Variants in ACTR10 observed in about 807,000 individuals in gnomAD.
The protein encoded by ACTR10 is actin-related protein 10.
In ACTR10, 43 loss-of-function variants were observed where a neutral mutation model predicts 56.2. The observed-to-expected ratio is 0.77, with a 90% confidence interval of 0.60 to 0.99. The LOEUF is 0.99. Among genes scored for constraint, ACTR10 ranks in the 50% least tolerant of loss-of-function variants. ACTR10 has a pLI of 0.00. For synonymous variants in ACTR10, 170 were observed against 176.3 expected, an observed-to-expected ratio of 0.96 and a Z score of 0.28; for missense variants, 466 against 507.8, an observed-to-expected ratio of 0.92 and a Z score of 0.79.
chr14:58,216,867 T>C (rs534727161), intron 7 of ACTR10, among the ~76,000 whole-genome samples: 18 of 152,372 alleles, frequency 1.2e-4, no homozygotes, highest in African/African-American at 4.3e-4. Flanking sequence ...TTAACTCACT[T>C]GTTTCCCCCA....
chr14:58,233,919 C>A (rs1175479377), intron 12 of ACTR10, among the ~76,000 whole-genome samples: 2 of 152,006 alleles, frequency 1.3e-5, no homozygotes, highest in Non-Finnish European at 2.9e-5. Flanking sequence ...TAAAAGACTG[C>A]CTTGTGGGTC....
At chr14:58,214,497 A>G (rs2140050890) in intron 6 of ACTR10, among the ~76,000 whole-genome samples, 1 of 150,764 alleles carries the variant, frequency 6.6e-6, no homozygotes, top group South Asian at 2.1e-4. Context: ...TATTATTATT[A>G]TTATTATTAT....
At chr14:58,220,924 C>T (rs1889249828) in intron 8 of ACTR10, among the ~76,000 whole-genome samples, 1 of 152,034 alleles carries the variant, frequency 6.6e-6, no homozygotes, top group Non-Finnish European at 1.5e-5. Context: ...GGAAGAAGGT[C>T]CATAATGTTA....
At chr14:58,207,404 C>A (rs1044042455) in intron 2 of ACTR10, among the ~76,000 whole-genome samples, 1 of 151,838 alleles carries the variant, frequency 6.6e-6, no homozygotes, top group African/African-American at 2.4e-5. Context: ...CAGCTCACTG[C>A]AGCCTCCTCC....
intron 1 of ACTR10, among the ~76,000 whole-genome samples, chr14:58,200,681 C>T (rs1419965807): frequency 6.6e-6 from 1 of 152,194 alleles, no homozygotes; most frequent in East Asian, 1.9e-4. Flanking sequence ...CGAATTTCAT[C>T]ATAAAATATT....
Position 58,209,059 on chromosome 14 carries a change from T to G in ACTR10, c.294T>G (p.Pro98=), listed in dbSNP as rs1433504141. ...RVVIIESVLC[P]SHFRETLTRV... is the part of the protein sequence containing the mutation. Reference sequence around the variant, plus strand: ...TGATTATCGAATCGGTATTATGTCCTTCTCACTTCAGAGAGACACTCACTC... The same window carrying G: ...TGATTATCGAATCGGTATTATGTCCGTCTCACTTCAGAGAGACACTCACTC... Residue 98 remains proline, a synonymous_variant, in exon 4 of 13, where the codon CCT becomes CCG. Coordinates refer to ENST00000254286, the MANE Select transcript of ACTR10 (RefSeq NM_018477.3). 2 of 1,611,270 alleles carry G rather than the reference T, an allele frequency of 1.2e-6. No individual in the cohort carries two copies. Among genetic ancestry groups the G allele is most frequent in the South Asian group, 1.1e-5 (1 of 90,676 alleles).
At chr14:58,214,974 C>T (rs576881093) in intron 6 of ACTR10, among the ~76,000 whole-genome samples, 8 of 151,500 alleles carry the variant, frequency 5.3e-5, no homozygotes, top group Non-Finnish European at 7.4e-5. Flanking sequence ...GGCATGGTGG[C>T]GGGCACCTGT....
rs1172270145 is a variant in ACTR10, at chr14:58,200,163, G to A, written c.-55G>A. 10 of 1,363,762 alleles carry A rather than the reference G, an allele frequency of 7.3e-6. No homozygotes were observed. Among genetic ancestry groups the A allele is most frequent in the Non-Finnish European group, 8.6e-6 (9 of 1,041,818 alleles). 84.5% of individuals were successfully genotyped at this position (1,363,762 alleles called of 1,614,324 possible). A position where few individuals can be genotyped will look rare whatever the true frequency, so the allele number is the denominator to read the frequency against. ...GCCCCGGCCCCGCCCCGCGAGCGCCGAGACTTGTTGGCCGCGGAGACTGCG... is the reference window on the plus strand; with the variant it reads ...GCCCCGGCCCCGCCCCGCGAGCGCCAAGACTTGTTGGCCGCGGAGACTGCG... On this transcript the variant is annotated 5_prime_UTR_variant, in exon 1 of 13. Coordinates refer to ENST00000254286, the MANE Select transcript of ACTR10 (RefSeq NM_018477.3).
At chr14:58,229,915 G>T (rs1889490988) in intron 10 of ACTR10, among the ~76,000 whole-genome samples, 1 of 151,858 alleles carries the variant, frequency 6.6e-6, no homozygotes, top group African/African-American at 2.4e-5. Context: ...TTTAATTTGA[G>T]ATTAAACTGG....
chr14:58,233,899 G>C (rs766779170), intron 12 of ACTR10, among the ~76,000 whole-genome samples: 1 of 152,128 alleles, frequency 6.6e-6, no homozygotes, highest in Admixed American at 6.6e-5. Flanking sequence ...TTTAGTAATG[G>C]AATTGTTTTT....
At chr14:58,208,718 C>CAA (rs879444259) in intron 3 of ACTR10, among the ~76,000 whole-genome samples, 3 of 95,006 alleles carry the variant, frequency 3.2e-5, no homozygotes, top group Non-Finnish European at 6.6e-5. Flanking sequence ...GATCCTGTCT[C>CAA]AAAAAAAAAA....
chr14:58,230,505 C>A (rs762826662), intron 11 of ACTR10, 25 bp downstream of exon 11: 3 of 1,240,714 alleles, frequency 2.4e-6, no homozygotes, highest in Non-Finnish European at 3.3e-6. Flanking sequence ...CAAAAAATTC[C>A]CTTTATTACC....
chr14:58,223,002 T>C (rs968865556), intron 8 of ACTR10, among the ~76,000 whole-genome samples: 6 of 152,178 alleles, frequency 3.9e-5, no homozygotes, highest in Non-Finnish European at 7.3e-5. Context: ...GTCCTCCTTA[T>C]ACAAGAGATA....
chr14:58,201,960 G>C (rs1384854226), intron 1 of ACTR10, among the ~76,000 whole-genome samples: 2 of 144,358 alleles, frequency 1.4e-5, no homozygotes, highest in African/African-American at 2.6e-5. Context: ...CTGAGTTTGT[G>C]CCACTGCACT....
intron 10 of ACTR10, 57 bp downstream of exon 10, chr14:58,223,913 A>G (rs1324689865): frequency 7.2e-7 from 1 of 1,397,654 alleles, no homozygotes; most frequent in Non-Finnish European, 1.0e-6. Context: ...TTTGGCTTTT[A>G]AAAATATTTG....
rs190799207 is a variant in ACTR10 at position 58,204,119 on chromosome 14, C to T, written c.150+1192C>T. Reference sequence around the variant, plus strand: ...AAAATTGTGGGCTGGGCAGATTACACGCCTGTAATCGCAGCACTTTGGGAG... The same window carrying T: ...AAAATTGTGGGCTGGGCAGATTACATGCCTGTAATCGCAGCACTTTGGGAG... On this transcript the variant is annotated intron_variant, in intron 2 of 12. Transcript: ENST00000254286. Among the ~76,000 whole-genome samples the T allele has an allele frequency of 5.3e-5, 8 of 151,868 alleles. No homozygotes were observed. The South Asian group carries it at 1.5e-3, about 28-fold the overall frequency.
chr14:58,234,212 A>C (rs1889613327), intron 12 of ACTR10, among the ~76,000 whole-genome samples, 158 bp from the exon 13 acceptor site: 1 of 152,248 alleles, frequency 6.6e-6, no homozygotes, highest in Non-Finnish European at 1.5e-5. Context: ...AATGTAAAAT[A>C]AAGAATGGCT....
At chr14:58,204,504 T>C (rs1223989645) in intron 2 of ACTR10, among the ~76,000 whole-genome samples, 3 of 152,136 alleles carry the variant, frequency 2.0e-5, no homozygotes, top group East Asian at 1.9e-4. Context: ...TGAGCCAAGA[T>C]TGCACCACTG....
chr14:58,219,008 C>T (rs189796528), intron 7 of ACTR10, among the ~76,000 whole-genome samples: 2 of 152,108 alleles, frequency 1.3e-5, no homozygotes, highest in East Asian at 1.9e-4. Context: ...TTAGTAGAGA[C>T]GAGGTTTCTC....
Sources: allele counts gnomAD v4.1 joint callset (sites outside exome capture counted in the v4.1 genomes callset), GRCh38; gene constraint gnomAD v4.1.1; transcripts MANE v1.5; gene names NCBI Gene and HGNC (gene_info 2026-07-23, HGNC 2026-07-21).